HTR2C: variants seen among roughly 807,000 people sequenced by gnomAD.
HTR2C encodes the protein 5-hydroxytryptamine receptor 2C.
HTR2C carries 5 observed loss-of-function variants against 21.0 expected under a neutral mutation model. The observed-to-expected ratio is 0.24, with a 90% CI of 0.12 to 0.50. HTR2C has a LOEUF of 0.50. Among genes scored for constraint, HTR2C ranks in the 20% least tolerant of loss-of-function variants. The probability of loss-of-function intolerance (pLI) is 0.98; values close to 1 mark genes in which losing one functional copy is unlikely to be tolerated. For missense variants in HTR2C, 271 were observed against 371.2 expected, an observed-to-expected ratio of 0.73 and a Z score of 2.22; for synonymous variants, 150 against 145.3, an observed-to-expected ratio of 1.03 and a Z score of -0.23.
At chrX:114,693,072 A>G (rs1193615481) in intron 2 of HTR2C, among the ~76,000 whole-genome samples, 1 of 111,941 alleles carries the variant, frequency 8.9e-6, no homozygotes, top group Non-Finnish European at 1.9e-5. Flanking sequence ...TTATGTTATT[A>G]CAGATAAATA....
At chrX:114,854,350 T>TA (rs1159754822) in intron 5 of HTR2C, among the ~76,000 whole-genome samples, 5 of 111,617 alleles carry the variant, frequency 4.5e-5, no homozygotes, top group Non-Finnish European at 7.6e-5. Flanking sequence ...TTAGCTCTAT[T>TA]AAAAAAAGCT....
chrX:114,610,933 G>A (rs1170330188), intron 1 of HTR2C, among the ~76,000 whole-genome samples: 2 of 111,673 alleles, frequency 1.8e-5, no homozygotes, highest in Admixed American at 9.5e-5. Flanking sequence ...TTCACTCAAA[G>A]TACTTCATAT....
rs1927303618 is a variant in HTR2C at position 114,584,518 on chromosome X, G to C, written c.-288G>C. On this transcript the variant is annotated 5_prime_UTR_variant, in exon 1 of 6. Transcript: ENST00000276198. ...CCCTCCATTCCTCTCCCTCCGCCGA[G>C]GCGCGAGGTTGCGGCGCGCAGCGCA... is the stretch of plus-strand genomic sequence containing the variant. 8.8e-6 allele frequency: 1 copy of C among 113,034 alleles called. No homozygotes were observed. The highest frequency in any genetic ancestry group is 1.9e-5 in the Non-Finnish European group (1 of 53,342). 9.3% of individuals were successfully genotyped at this position (113,034 alleles called of 1,213,427 possible). A position where few individuals can be genotyped will look rare whatever the true frequency, so the allele number is the denominator to read the frequency against.
chrX:114,776,720 C>T, intron 4 of HTR2C: 1 of 445,916 alleles, frequency 2.2e-6, no homozygotes, highest in Non-Finnish European at 4.3e-6. Context: ...CTGGAAAACA[C>T]CCACACAAGA....
chrX:114,849,759 C>T (rs1030022068), intron 5 of HTR2C, among the ~76,000 whole-genome samples: 6 of 111,915 alleles, frequency 5.4e-5, no homozygotes, highest in South Asian at 3.7e-4. Flanking sequence ...AAGATGATTT[C>T]GTATTATTCA....
intron 5 of HTR2C, among the ~76,000 whole-genome samples, chrX:114,881,861 G>A (rs2071184564): frequency 9.1e-6 from 1 of 109,738 alleles, no homozygotes; most frequent in Non-Finnish European, 1.9e-5. Flanking sequence ...TTTTATAATA[G>A]GCTTGACAAT....
chrX:114,857,274 A>G (rs2070970546), intron 5 of HTR2C, among the ~76,000 whole-genome samples: 1 of 111,334 alleles, frequency 9.0e-6, no homozygotes, highest in African/African-American at 3.3e-5. Context: ...AAATCTATCT[A>G]CCAATGACTC....
chrX:114,793,208 CATATA>C (rs2070252636), intron 4 of HTR2C, among the ~76,000 whole-genome samples: 2 of 111,324 alleles, frequency 1.8e-5, no homozygotes, highest in Admixed American at 1.9e-4. Flanking sequence ...TGCCTACAGA[CATATA>C]ATACTTTTCT....
chrX:114,720,281 T>A (rs150029006), intron 2 of HTR2C, among the ~76,000 whole-genome samples: 2,353 of 110,951 alleles, frequency 0.021, 79 homozygotes, highest in African/African-American at 0.074. Flanking sequence ...ATTTGGAGAT[T>A]GATTTTTGTG....
intron 2 of HTR2C, among the ~76,000 whole-genome samples, chrX:114,631,513 A>G (rs1341546593): frequency 8.9e-6 from 1 of 112,019 alleles, no homozygotes; most frequent in Admixed American, 9.5e-5. Context: ...TGATTACATG[A>G]CAAGATAAAT....
At chrX:114,689,208 GTA>G (rs58916694) in intron 2 of HTR2C, among the ~76,000 whole-genome samples, 1,786 of 72,690 alleles carry the variant, frequency 0.025, 92 homozygotes, top group African/African-American at 0.09. Flanking sequence ...GTATGTATGC[GTA>G]TATATATATA....
At chrX:114,682,209 G>A (rs1022981366) in intron 2 of HTR2C, among the ~76,000 whole-genome samples, 5 of 110,867 alleles carry the variant, frequency 4.5e-5, no homozygotes, top group Non-Finnish European at 7.6e-5. Context: ...GAACAAGAAA[G>A]GAATACCCAG....
At chrX:114,793,820 T>A (rs1395006968) in intron 4 of HTR2C, among the ~76,000 whole-genome samples, 1 of 110,529 alleles carries the variant, frequency 9.0e-6, no homozygotes, top group Non-Finnish European at 1.9e-5. Flanking sequence ...ACTCTTCTAA[T>A]CATTGCAGCT....
intron 5 of HTR2C, among the ~76,000 whole-genome samples, chrX:114,856,650 G>A (rs1231683840): frequency 6.3e-5 from 7 of 111,123 alleles, no homozygotes; most frequent in East Asian, 5.7e-4. Context: ...CAGAAGATGC[G>A]CTCTTCCTGT....
chrX:114,870,334 G>A (rs781921701), intron 5 of HTR2C, among the ~76,000 whole-genome samples: 4 of 110,394 alleles, frequency 3.6e-5, no homozygotes, highest in South Asian at 7.8e-4. Flanking sequence ...TGCCCACCTC[G>A]GCCTCCAAAA....
intron 2 of HTR2C, among the ~76,000 whole-genome samples, chrX:114,618,480 A>G (rs1247920573): frequency 1.8e-5 from 2 of 112,357 alleles, no homozygotes; most frequent in African/African-American, 6.5e-5. Flanking sequence ...CTTCTTAAAT[A>G]TAAAATATAG....
At chrX:114,651,521 C>A (rs1556408485) in intron 2 of HTR2C, 1 of 125,250 alleles carries the variant, frequency 8.0e-6, no homozygotes, top group African/African-American at 3.2e-5. Flanking sequence ...ACCCTTTGAG[C>A]CTTCTATCAC....
In HTR2C at chrX:114,907,297, A is replaced by G. The variant is rs1479595509; in HGVS notation, c.1259A>G (p.Asn420Ser). 1 of 1,210,922 alleles carries G rather than the reference A, an allele frequency of 8.3e-7. No individual in the cohort carries two copies. The highest frequency in any genetic ancestry group is 1.1e-6 in the Non-Finnish European group (1 of 894,768). The change falls in exon 6 of 6, where the codon AAT becomes AGT. Residue 420 changes from asparagine (N) to serine (S), a missense_variant. Asn to Ser is a conservative substitution (Grantham distance 46, BLOSUM62 1). Around this residue, in one of 5 missense-constraint regions of HTR2C, gnomAD observed 192 missense variants for 247.2 expected, o/e 0.78. Transcript: ENST00000276198. Reference protein sequence around the residue: ...ELNVNIYRHTNEPVIEKASDN... With the variant: ...ELNVNIYRHTSEPVIEKASDN... ...AATGTTAACATTTATCGGCATACCA[A>G]TGAACCGGTGATCGAGAAAGCCAGT...
intron 2 of HTR2C, among the ~76,000 whole-genome samples, chrX:114,656,229 T>C (rs1053022869): frequency 4.5e-5 from 5 of 111,098 alleles, no homozygotes; most frequent in Non-Finnish European, 9.5e-5. Flanking sequence ...ACTAATTATA[T>C]AACTAGGGAA....
Sources: allele counts gnomAD v4.1 joint callset (sites outside exome capture counted in the v4.1 genomes callset), GRCh38; gene constraint gnomAD v4.1.1; regional missense constraint gnomAD v4.1.1; transcripts MANE v1.5; gene names NCBI Gene and HGNC (gene_info 2026-07-23, HGNC 2026-07-21).